MYCBP2: variants seen among roughly 807,000 people sequenced by gnomAD.
MYCBP2 encodes E3 ubiquitin-protein ligase MYCBP2.
In MYCBP2, 120 loss-of-function variants were observed where a neutral mutation model predicts 525.3. That is an observed-to-expected ratio of 0.23 (90% CI 0.20 to 0.27). The LOEUF is 0.27. MYCBP2 is among the 10% of genes least tolerant of loss of function. The pLI, the probability that MYCBP2 is intolerant of heterozygous loss-of-function variation, is 1.00. For missense variants in MYCBP2, 4,149 were observed against 5,657.1 expected, an observed-to-expected ratio of 0.73 and a Z score of 8.55; for synonymous variants, 1,894 against 1,955.8, an observed-to-expected ratio of 0.97 and a Z score of 0.83.
At chr13:77,223,527 C>T (rs1476512932) in intron 20 of MYCBP2, among the ~76,000 whole-genome samples, 4 of 152,162 alleles carry the variant, frequency 2.6e-5, no homozygotes, top group Non-Finnish European at 5.9e-5. Context: ...AATACAAACT[C>T]GGCTGCTGTA....
rs1567276776 is a variant in MYCBP2 at position 77,327,039 on chromosome 13, G to GCCGCCACCA, written c.-273_-265dup. 1 of 437,730 alleles carries GCCGCCACCA rather than the reference G, an allele frequency of 2.3e-6. No individual in the cohort carries two copies. The allele number at this position is 437,730 out of a possible 1,614,324, so 27.1% of individuals were successfully genotyped here. ...AGGAGGAGGCGGTGCCGCCACTGCC[G>GCCGCCACCA]CCGCCACCACCGCTACCACCGCCAC... On this transcript the variant is annotated 5_prime_UTR_variant, in exon 1 of 83. Coordinates refer to ENST00000544440, the MANE Select transcript of MYCBP2 (RefSeq NM_015057.5).
At chr13:77,152,160 G>A (rs990969363) in intron 46 of MYCBP2, among the ~76,000 whole-genome samples, 5 of 152,086 alleles carry the variant, frequency 3.3e-5, no homozygotes, top group African/African-American at 9.7e-5. Flanking sequence ...TGAGACTTTC[G>A]CTATTTATAT....
chr13:77,284,645 T>C (rs1378376120), intron 3 of MYCBP2, among the ~76,000 whole-genome samples: 1 of 152,218 alleles, frequency 6.6e-6, no homozygotes, highest in Non-Finnish European at 1.5e-5. Flanking sequence ...TTGCATAATT[T>C]TTTTAATAAA....
intron 18 of MYCBP2, among the ~76,000 whole-genome samples, chr13:77,229,344 GAAAAAACT>G (rs557390413): frequency 2.0e-4 from 30 of 152,094 alleles, no homozygotes; most frequent in Non-Finnish European, 3.4e-4. Context: ...TCTTACAGAT[GAAAAAACT>G]AAGGCTTGAA....
intron 1 of MYCBP2, among the ~76,000 whole-genome samples, chr13:77,305,868 G>A (rs1365001462): frequency 1.3e-5 from 2 of 152,030 alleles, no homozygotes. Context: ...TGGTGAACCA[G>A]GAACAGATTT....
At chr13:77,070,077 T>C (rs551417860) in intron 69 of MYCBP2, among the ~76,000 whole-genome samples, 18 of 152,198 alleles carry the variant, frequency 1.2e-4, no homozygotes, top group Admixed American at 3.3e-4. Flanking sequence ...AAAAGAAATA[T>C]GGGAAATGCA....
chr13:77,270,571 C>T, intron 5 of MYCBP2, 33 bp from the exon 6 acceptor site: 1 of 1,560,218 alleles, frequency 6.4e-7, no homozygotes, highest in Non-Finnish European at 8.7e-7. Context: ...AATGAAAAAA[C>T]ATTTTTAAAT....
At chr13:77,059,443 C>T in intron 77 of MYCBP2, 80 bp downstream of exon 77, 1 of 1,071,664 alleles carries the variant, frequency 9.3e-7, no homozygotes, top group Admixed American at 1.7e-5. Context: ...TGACGCTGAG[C>T]TAAAACTCTT....
At chr13:77,099,716 G>A (rs1008591302) in intron 55 of MYCBP2, 3 of 152,064 alleles carry the variant, frequency 2.0e-5, no homozygotes, top group African/African-American at 4.8e-5. Flanking sequence ...CCACAGAAAC[G>A]GTGGATCCTC....
chr13:77,200,757 A>C (rs1187265110), intron 26 of MYCBP2, among the ~76,000 whole-genome samples: 1 of 152,202 alleles, frequency 6.6e-6, no homozygotes, highest in Non-Finnish European at 1.5e-5. Flanking sequence ...TTAAGAAAAG[A>C]ATTTCCAACC....
intron 34 of MYCBP2, among the ~76,000 whole-genome samples, chr13:77,178,185 T>C (rs1161235933): frequency 6.6e-6 from 1 of 152,246 alleles, no homozygotes; most frequent in South Asian, 2.1e-4. Flanking sequence ...TATGAAACTA[T>C]ACTTTCCACT....
chr13:77,235,422 C>T (rs2067767601), intron 17 of MYCBP2, among the ~76,000 whole-genome samples: 1 of 151,880 alleles, frequency 6.6e-6, no homozygotes, highest in East Asian at 1.9e-4. Flanking sequence ...AGATATTAAA[C>T]AATATTGTAT....
chr13:77,145,571 T>C (rs2055399766), intron 48 of MYCBP2, among the ~76,000 whole-genome samples: 1 of 152,176 alleles, frequency 6.6e-6, no homozygotes, highest in Non-Finnish European at 1.5e-5. Flanking sequence ...AGCCTATACA[T>C]AATTCTGCTA....
intron 80 of MYCBP2, among the ~76,000 whole-genome samples, chr13:77,055,192 A>G (rs1265057435): frequency 6.6e-6 from 1 of 152,108 alleles, no homozygotes; most frequent in Non-Finnish European, 1.5e-5. Context: ...GAGGACAGAA[A>G]AAGAGTGTGT....
At chr13:77,245,229 A>G (rs569590489) in intron 15 of MYCBP2, among the ~76,000 whole-genome samples, 2 of 152,280 alleles carry the variant, frequency 1.3e-5, no homozygotes, top group South Asian at 2.1e-4. Flanking sequence ...CAGAAATACC[A>G]TTTGACCCAG....
In MYCBP2 at chr13:77,108,256, C is replaced by CA. The variant is rs548882043; in HGVS notation, c.8141-9244dup. Among the ~76,000 whole-genome samples the CA allele has an allele frequency of 1.0e-3, 156 of 152,298 alleles. 1 individual carries two copies. Among genetic ancestry groups the CA allele is most frequent in the Middle Eastern group, 3.4e-3 (1 of 294 alleles). On this transcript the variant is annotated intron_variant, in intron 55 of 82. Coordinates refer to ENST00000544440, the MANE Select transcript of MYCBP2 (RefSeq NM_015057.5). ...TAATTGAACTTGAAGAAAACATACTCATAGCATATTATTGAATATATTCCA... is the reference window on the plus strand; with the variant it reads ...TAATTGAACTTGAAGAAAACATACTCAATAGCATATTATTGAATATATTCCA...
Position 77,225,497 on chromosome 13 carries a change from C to G in MYCBP2, c.2795G>C (p.Gly932Ala). Residue 932 changes from glycine to alanine, a missense_variant, in exon 19 of 83, where the codon GGC (glycine) becomes GCC (alanine). Around this residue, in one of 21 missense-constraint regions of MYCBP2, gnomAD observed 620 missense variants for 795.5 expected, o/e 0.78. Transcript: ENST00000544440. ...GAGCTCACAGTCAAATCGCACAGAG[C>G]CTGGAGGGTATGTTGTGATTTTGCT... ...DASKITTYPP[G>A]SVRFDCELRA... 2.5e-6 allele frequency: 4 copies of G among 1,613,732 alleles called. No individual in the cohort carries two copies. The highest frequency in any genetic ancestry group is 1.1e-5 in the South Asian group (1 of 91,060).
At chr13:77,184,077 G>A (rs1460539999) in intron 32 of MYCBP2, among the ~76,000 whole-genome samples, 1 of 151,934 alleles carries the variant, frequency 6.6e-6, no homozygotes, top group East Asian at 1.9e-4. Flanking sequence ...TCTTAACATA[G>A]CAGCTTAGGT....
Position 77,326,768 on chromosome 13 carries a change from A to T in MYCBP2, c.8T>A (p.Met3Lys), listed in dbSNP as rs1252681933. 5 of 1,408,890 alleles carry T rather than the reference A, an allele frequency of 3.5e-6. No homozygotes were observed. Among genetic ancestry groups the T allele is most frequent in the Non-Finnish European group, 4.6e-6 (5 of 1,095,134 alleles). The allele number at this position is 1,408,890 out of a possible 1,614,324, so 87.3% of individuals were successfully genotyped here. A position where few individuals can be genotyped will look rare whatever the true frequency, so the allele number is the denominator to read the frequency against. Residue 3 changes from methionine to lysine, a missense_variant, in exon 1 of 83, where the codon ATG becomes AAG. Met to Lys is a moderately conservative substitution (Grantham distance 95). Transcript: ENST00000544440. The surrounding 1 kb of genome is among the most constrained non-coding windows in gnomAD (Gnocchi z 4.2). MM[M>K]CAATASPAAA... ...GGCGGGGGAGGCAGTCGCTGCGCAC[A>T]TCATCATCCTCGCCGCCGCCGCCGC... is the stretch of plus-strand genomic sequence containing the variant.
Sources: gnomAD v4.1 joint callset for allele counts (sites outside exome capture counted in the v4.1 genomes callset) on GRCh38, gnomAD v4.1.1 for gene constraint, gnomAD v4.1.1 regional missense constraint, Gnocchi (gnomAD v3.1) non-coding constraint, MANE v1.5 for transcripts, NCBI Gene and HGNC (gene_info 2026-07-23, HGNC 2026-07-21) for gene names.